WDR27: variants seen among roughly 807,000 people sequenced by gnomAD.
WDR27 encodes the protein WD repeat-containing protein 27.
In WDR27, 100 loss-of-function variants were observed where a neutral mutation model predicts 114.4. The observed-to-expected ratio is 0.87, with a 90% CI of 0.74 to 1.03. The LOEUF (loss-of-function observed/expected upper bound fraction) is 1.03. WDR27 is among the 50% of genes least tolerant of loss of function. WDR27 has a pLI of 0.00. For synonymous variants in WDR27, 449 were observed against 423.1 expected, an observed-to-expected ratio of 1.06 and a Z score of -0.75; for missense variants, 1,129 against 1,092.9, an observed-to-expected ratio of 1.03 and a Z score of -0.47.
chr6:169,477,720 C>T (rs1171232220), intron 25 of WDR27, among the ~76,000 whole-genome samples: 1 of 152,176 alleles, frequency 6.6e-6, no homozygotes, highest in Non-Finnish European at 1.5e-5. Context: ...AGGCGTGATC[C>T]ACTGTGCCTG....
chr6:169,562,657 G>A (rs1799833883), intron 25 of WDR27, among the ~76,000 whole-genome samples: 1 of 152,186 alleles, frequency 6.6e-6, no homozygotes, highest in Admixed American at 6.5e-5. Context: ...CAGGATAGGG[G>A]AGATTGGAGG....
At chr6:169,589,374 T>C (rs938910982) in intron 23 of WDR27, among the ~76,000 whole-genome samples, 1 of 152,152 alleles carries the variant, frequency 6.6e-6, no homozygotes, top group Non-Finnish European at 1.5e-5. Context: ...GCCCCAATTC[T>C]ATAGACAAGG....
chr6:169,470,163 A>AT (rs1786163086), intron 25 of WDR27, among the ~76,000 whole-genome samples: 1 of 152,106 alleles, frequency 6.6e-6, no homozygotes, highest in Admixed American at 6.5e-5. Flanking sequence ...CAGTAACGTG[A>AT]TTTTCACTTC....
At chr6:169,584,851 T>C (rs956794501) in intron 23 of WDR27, among the ~76,000 whole-genome samples, 1 of 152,202 alleles carries the variant, frequency 6.6e-6, no homozygotes, top group Non-Finnish European at 1.5e-5. Context: ...TCCCAGTCCA[T>C]AGGTTGCTTT....
chr6:169,556,748 T>TA (rs750465661), intron 25 of WDR27, among the ~76,000 whole-genome samples: 51 of 152,202 alleles, frequency 3.4e-4, no homozygotes, highest in Non-Finnish European at 6.8e-4. Flanking sequence ...AAAGAAAAGT[T>TA]CTATAATTCA....
At chr6:169,533,518 G>T (rs1795855222) in intron 25 of WDR27, among the ~76,000 whole-genome samples, 2 of 152,208 alleles carry the variant, frequency 1.3e-5, no homozygotes, top group Admixed American at 1.3e-4. Flanking sequence ...AAAGACAGCA[G>T]GAGTAAGGTT....
chr6:169,455,037 G>C (rs1412877620), downstream of WDR27, among the ~76,000 whole-genome samples: 5 of 152,192 alleles, frequency 3.3e-5, no homozygotes, highest in Admixed American at 6.5e-5. Context: ...GTCTGAACCT[G>C]GACTTTCCTT....
At chr6:169,575,325 T>C (rs9383497) in intron 24 of WDR27, among the ~76,000 whole-genome samples, 10 of 83,608 alleles carry the variant, frequency 1.2e-4, no homozygotes, top group African/African-American at 3.6e-4. Flanking sequence ...TCCCTCCCTC[T>C]CTCTCTCTCC....
At chr6:169,523,085 G>A (rs1017792014) in intron 25 of WDR27, among the ~76,000 whole-genome samples, 1 of 151,796 alleles carries the variant, frequency 6.6e-6, no homozygotes, top group Admixed American at 6.6e-5. Flanking sequence ...CAAATAAACA[G>A]TATCAGAAAC....
At chr6:169,674,375 T>C (rs1779541711) in intron 2 of WDR27, among the ~76,000 whole-genome samples, 1 of 152,182 alleles carries the variant, frequency 6.6e-6, no homozygotes, top group African/African-American at 2.4e-5. Flanking sequence ...AGTAGAGGCA[T>C]AGAAGATATT....
intron 25 of WDR27, among the ~76,000 whole-genome samples, chr6:169,491,804 GAA>G (rs1010936563): frequency 1.3e-5 from 2 of 152,122 alleles, no homozygotes; most frequent in Non-Finnish European, 2.9e-5. Flanking sequence ...TAGATGTCTA[GAA>G]CTGGGTATCC....
intron 18 of WDR27, among the ~76,000 whole-genome samples, chr6:169,637,604 C>A (rs1463324668): frequency 6.6e-6 from 1 of 150,886 alleles, no homozygotes; most frequent in African/African-American, 2.4e-5. Flanking sequence ...CATCTATATG[C>A]GTGTGAATAT....
intron 25 of WDR27, among the ~76,000 whole-genome samples, chr6:169,530,387 G>A (rs1385068805): frequency 6.6e-6 from 1 of 152,190 alleles, no homozygotes; most frequent in Non-Finnish European, 1.5e-5. Flanking sequence ...TAATTTTAGA[G>A]ACCTGCCTTT....
intron 25 of WDR27, among the ~76,000 whole-genome samples, chr6:169,529,062 C>T (rs1401226779): frequency 6.6e-6 from 1 of 152,140 alleles, no homozygotes; most frequent in African/African-American, 2.4e-5. Context: ...ATATTTACAA[C>T]ACAAATTGGA....
chr6:169,558,950 CT>C (rs1355501536), intron 25 of WDR27: 1 of 152,176 alleles, frequency 6.6e-6, no homozygotes, highest in African/African-American at 2.4e-5. Flanking sequence ...AATTCAGAAT[CT>C]TTTGTTTTAC....
At chr6:169,437,006 T>C in the WDR27 span, among the ~76,000 whole-genome samples, 1 of 152,180 alleles carries the variant, frequency 6.6e-6, no homozygotes, top group Non-Finnish European at 1.5e-5. Flanking sequence ...TATATGTAGT[T>C]CCATATACAA....
the WDR27 span, among the ~76,000 whole-genome samples, chr6:169,439,127 G>A: frequency 3.3e-5 from 5 of 152,222 alleles, no homozygotes; most frequent in East Asian, 9.6e-4. Flanking sequence ...CATCTCCCAT[G>A]ATGCTTATTC....
At chr6:169,638,004 T>C (rs1435601821) in intron 18 of WDR27, among the ~76,000 whole-genome samples, 1 of 152,252 alleles carries the variant, frequency 6.6e-6, no homozygotes, top group African/African-American at 2.4e-5. Context: ...TGTGAACATA[T>C]ACATGTAGAC....
intron 25 of WDR27, among the ~76,000 whole-genome samples, chr6:169,470,957 T>C (rs1339976469): frequency 6.6e-6 from 1 of 152,092 alleles, no homozygotes; most frequent in Non-Finnish European, 1.5e-5. Flanking sequence ...ATGAGTGCTA[T>C]TTATACCTAT....
Sources: allele counts gnomAD v4.1 joint callset (sites outside exome capture counted in the v4.1 genomes callset), GRCh38; gene constraint gnomAD v4.1.1; transcripts MANE v1.5; gene names NCBI Gene and HGNC (gene_info 2026-07-23, HGNC 2026-07-21).